BTAF1: variants seen among roughly 807,000 people sequenced by gnomAD.
The protein encoded by BTAF1 is B-TFIID TATA-box binding protein associated factor 1.
In BTAF1, 38 loss-of-function variants were observed where a neutral mutation model predicts 227.1. The ratio of observed to expected loss-of-function variants is 0.17; its 90% CI spans 0.13 to 0.22. BTAF1 has a LOEUF of 0.22. Among genes scored for constraint, BTAF1 ranks in the 10% least tolerant of loss-of-function variants. The probability of loss-of-function intolerance (pLI) is 1.00; values close to 1 mark genes in which losing one functional copy is unlikely to be tolerated. For synonymous variants in BTAF1, 742 were observed against 751.9 expected (o/e 0.99, Z 0.21); for missense variants, 1,598 against 2,204.0 (o/e 0.73, Z 5.51).
intron 30 of BTAF1, among the ~76,000 whole-genome samples, chr10:92,011,713 A>G (rs1850301680): frequency 6.6e-6 from 1 of 152,330 alleles, no homozygotes; most frequent in South Asian, 2.1e-4. Context: ...CTCCTTCCAT[A>G]GTAGTACACT....
chr10:91,937,293 G>A (rs1017653829), intron 2 of BTAF1, among the ~76,000 whole-genome samples: 6 of 151,970 alleles, frequency 3.9e-5, no homozygotes, highest in East Asian at 1.9e-4. Context: ...GCTCCTGGCC[G>A]GTTTTGTTTC....
chr10:91,976,745 G>A (rs1014849832), intron 14 of BTAF1, among the ~76,000 whole-genome samples: 2 of 152,182 alleles, frequency 1.3e-5, no homozygotes, highest in African/African-American at 4.8e-5. Context: ...ATACGAATTT[G>A]GATTATTTCC....
intron 34 of BTAF1, among the ~76,000 whole-genome samples, chr10:92,020,928 T>G (rs2134163437): frequency 6.6e-6 from 1 of 152,298 alleles, no homozygotes; most frequent in East Asian, 1.9e-4. Context: ...AGAGTGTGCT[T>G]CTTGTCACCC....
chr10:91,924,171 A>T, intron 1 of BTAF1, 81 bp downstream of exon 1: 1 of 1,551,512 alleles, frequency 6.4e-7, no homozygotes, highest in Non-Finnish European at 8.7e-7. Context: ...ACTCCTAGAG[A>T]AGAGCGGTTC....
chr10:91,973,741 A>G (rs1173797375), intron 14 of BTAF1, among the ~76,000 whole-genome samples: 1 of 151,464 alleles, frequency 6.6e-6, no homozygotes, highest in African/African-American at 2.4e-5. Flanking sequence ...CGTCTCTACT[A>G]AAAATACAAA....
At chr10:92,024,719 G>T in intron 34 of BTAF1, 37 bp from the exon 35 acceptor site, 1 of 1,033,750 alleles carries the variant, frequency 9.7e-7, no homozygotes, top group South Asian at 1.7e-5. Flanking sequence ...TGCTTTTATT[G>T]AACGCTTATG....
intron 24 of BTAF1, 98 bp from the exon 25 acceptor site, chr10:91,997,476 GTCTTTTCCCTCATAATACAGATGAGAAAA>G (rs1207355280): frequency 6.3e-6 from 5 of 798,018 alleles, no homozygotes; most frequent in Non-Finnish European, 9.7e-6. Flanking sequence ...TGGAGGGTCA[GTCTTTTCCCTCATAATACAGATGAGAAAA>G]TGGTGAGCCT....
intron 34 of BTAF1, among the ~76,000 whole-genome samples, chr10:92,020,618 C>T (rs956818889): frequency 6.6e-6 from 1 of 152,072 alleles, no homozygotes; most frequent in South Asian, 2.1e-4. Flanking sequence ...CATCACTAAA[C>T]GTAAAATGGA....
chr10:91,996,016 A>G lies in BTAF1; in HGVS notation c.3310-353A>G, dbSNP rs113478862. Reference sequence around the variant, plus strand: ...CTACCAAATTTGGAGGGAGCTGGTGATGTGTGGTGCTGTTTTCCAGCTTCA... The same window carrying G: ...CTACCAAATTTGGAGGGAGCTGGTGGTGTGTGGTGCTGTTTTCCAGCTTCA... On this transcript the variant is annotated intron_variant, in intron 23 of 37. Transcript: ENST00000265990. 1.1e-3 allele frequency among the ~76,000 whole-genome samples: 167 copies of G among 152,270 alleles called. 3 individuals are homozygous for G. Among genetic ancestry groups the G allele is most frequent in the African/African-American group, 3.8e-3 (156 of 41,558 alleles).
chr10:92,009,260 A>G, intron 28 of BTAF1, 52 bp downstream of exon 28: 3 of 1,559,514 alleles, frequency 1.9e-6, no homozygotes, highest in Admixed American at 3.5e-5. Flanking sequence ...CATAATTAAG[A>G]TAAGGAACAG....
intron 11 of BTAF1, 49 bp downstream of exon 11, chr10:91,960,203 T>C: frequency 1.3e-6 from 2 of 1,556,088 alleles, no homozygotes; most frequent in South Asian, 2.4e-5. Context: ...TTTTCCCCCT[T>C]ATAGTTTATT....
At chr10:91,994,441 C>G in intron 22 of BTAF1, 94 bp from the exon 23 acceptor site, 1 of 823,642 alleles carries the variant, frequency 1.2e-6, no homozygotes, top group Non-Finnish European at 1.9e-6. Flanking sequence ...AAAATTGACT[C>G]TCCTATGCTA....
intron 4 of BTAF1, among the ~76,000 whole-genome samples, chr10:91,947,636 A>G (rs1222522155): frequency 6.7e-6 from 1 of 150,190 alleles, no homozygotes; most frequent in Non-Finnish European, 1.5e-5. Context: ...ATCAAGATGC[A>G]TGAGCCTCCA....
intron 25 of BTAF1, among the ~76,000 whole-genome samples, chr10:92,007,774 T>C (rs1850029751): frequency 6.6e-6 from 1 of 152,232 alleles, no homozygotes; most frequent in African/African-American, 2.4e-5. Context: ...GCAGACCACA[T>C]TTTGAGAGCT....
intron 13 of BTAF1, among the ~76,000 whole-genome samples, chr10:91,965,452 TAAAACTTCTACTTAA>T (rs920585337): frequency 6.6e-6 from 1 of 152,064 alleles, no homozygotes; most frequent in Admixed American, 6.6e-5. Context: ...TGTGTACACA[TAAAACTTCTACTTAA>T]AAAAAAATGG....
At position 91,993,691 on chromosome 10, in the gene BTAF1, A is replaced by G; in HGVS notation, c.3046-3A>G. The G allele has an allele frequency of 6.9e-7, 1 of 1,448,550 alleles. No homozygotes were observed. Among genetic ancestry groups the G allele is most frequent in the Non-Finnish European group, 9.2e-7 (1 of 1,090,100 alleles). The allele number at this position is 1,448,550 out of a possible 1,614,324, so 89.7% of individuals were successfully genotyped here. On this transcript the variant is annotated splice_region_variant and splice_polypyrimidine_tract_variant and intron_variant, in intron 21 of 37. Coordinates refer to ENST00000265990, the MANE Select transcript of BTAF1 (RefSeq NM_003972.3). ...CTGTTTTTATCTAACATTTAATTTT[A>G]AGGCCCAGAAGCCTTACCTGGTACA...
chr10:92,010,169 A>G (rs746617845), intron 28 of BTAF1, among the ~76,000 whole-genome samples: 2 of 152,274 alleles, frequency 1.3e-5, no homozygotes, highest in African/African-American at 4.8e-5. Flanking sequence ...TGTTGTTCCA[A>G]TTTGCAAATA....
intron 14 of BTAF1, among the ~76,000 whole-genome samples, chr10:91,970,310 TAAAAA>T (rs773624409): frequency 1.3e-5 from 2 of 151,846 alleles, no homozygotes; most frequent in Non-Finnish European, 2.9e-5. Context: ...TCCTGGGAAA[TAAAAA>T]AAAGAAATCC....
chr10:91,935,584 A>G, intron 1 of BTAF1, 73 bp from the exon 2 acceptor site: 1 of 1,528,996 alleles, frequency 6.5e-7, no homozygotes, highest in Admixed American at 1.8e-5. Context: ...TCTGCTCAGT[A>G]CGTTTATTGA....
Sources: allele counts gnomAD v4.1 joint callset (sites outside exome capture counted in the v4.1 genomes callset), GRCh38; gene constraint gnomAD v4.1.1; transcripts MANE v1.5; gene names NCBI Gene and HGNC (gene_info 2026-07-23, HGNC 2026-07-21).